The following LARGE1 variants were observed in gnomAD, a reference collection of about 807,000 sequenced individuals.
The protein encoded by LARGE1 is LARGE xylosyl- and glucuronyltransferase 1.
LARGE1 carries 43 observed loss-of-function variants against 87.6 expected under a neutral mutation model. The ratio of observed to expected loss-of-function variants is 0.49; its 90% CI spans 0.38 to 0.63. LARGE1 has a LOEUF of 0.63. Ranked by LOEUF, LARGE1 falls within the 30% of genes least tolerant of loss-of-function variation. The pLI, the probability that LARGE1 is intolerant of heterozygous loss-of-function variation, is 0.00. For missense variants in LARGE1, 802 were observed against 1,000.2 expected, an observed-to-expected ratio of 0.80 and a Z score of 2.67; for synonymous variants, 434 against 394.6, an observed-to-expected ratio of 1.10 and a Z score of -1.18.
rs531940028 is a variant in LARGE1 at position 33,273,435 on chromosome 22, T to C, written c.*992A>G. On this transcript the variant is annotated 3_prime_UTR_variant, in exon 15 of 15. Coordinates refer to ENST00000397394, the MANE Select transcript of LARGE1 (RefSeq NM_133642.5). ...ACTGGGCTTTCATGAATTATGAAAG[T>C]TCTTCGAAAGGCCTGAGAGGTTCGT... 2.5e-6 allele frequency: 1 copy of C among 398,640 alleles called. No individual in the cohort carries two copies. Among genetic ancestry groups the C allele is most frequent in the African/African-American group, 2.1e-5 (1 of 48,738 alleles). 24.7% of individuals were successfully genotyped at this position (398,640 alleles called of 1,614,324 possible).
intron 2 of LARGE1, among the ~76,000 whole-genome samples, chr22:33,718,471 G>A (rs902639215): frequency 6.6e-6 from 1 of 152,258 alleles, no homozygotes; most frequent in African/African-American, 2.4e-5. Context: ...ATTAATGAAT[G>A]TGCTGAATGG....
intron 5 of LARGE1, among the ~76,000 whole-genome samples, chr22:33,576,035 T>C (rs1445207179): frequency 1.3e-5 from 2 of 152,202 alleles, no homozygotes; most frequent in Non-Finnish European, 2.9e-5. Flanking sequence ...TCCTGAAATA[T>C]AGCTGCCTTC....
intron 7 of LARGE1, among the ~76,000 whole-genome samples, chr22:33,408,818 C>T (rs5994737): frequency 0.39 from 58,986 of 151,450 alleles, 16,764 homozygotes; most frequent in African/African-American, 0.81. Context: ...AGTAGGCAGA[C>T]ATTAAATAGA....
At chr22:33,723,061 T>C (rs2083157749) in intron 2 of LARGE1, among the ~76,000 whole-genome samples, 1 of 152,138 alleles carries the variant, frequency 6.6e-6, no homozygotes. Flanking sequence ...TGGCACAGCC[T>C]TTGAGGAAGA....
intron 1 of LARGE1, among the ~76,000 whole-genome samples, chr22:33,832,618 G>A (rs779119728): frequency 3.3e-5 from 5 of 152,212 alleles, no homozygotes; most frequent in Admixed American, 2.0e-4. Flanking sequence ...CAGAGGGCTC[G>A]GAATCAGCTG....
chr22:33,568,888 T>G (rs2078111976), intron 5 of LARGE1, among the ~76,000 whole-genome samples: 1 of 151,142 alleles, frequency 6.6e-6, no homozygotes, highest in Non-Finnish European at 1.5e-5. Context: ...GGATGGATGA[T>G]GGATGGCAGG....
intron 2 of LARGE1, among the ~76,000 whole-genome samples, chr22:33,655,414 G>T (rs888293114): frequency 8.5e-5 from 13 of 152,168 alleles, no homozygotes; most frequent in Admixed American, 7.9e-4. Context: ...TCTCGAGCCT[G>T]TTGGAATTTG....
At chr22:33,885,027 A>G (rs568919008) in intron 1 of LARGE1, among the ~76,000 whole-genome samples, 3 of 152,350 alleles carry the variant, frequency 2.0e-5, no homozygotes, top group Admixed American at 2.0e-4. Flanking sequence ...ATGCTGAGTT[A>G]GGCAGTTTTT....
intron 6 of LARGE1, among the ~76,000 whole-genome samples, chr22:33,524,214 C>G (rs2071759100): frequency 2.6e-5 from 4 of 151,544 alleles, no homozygotes; most frequent in African/African-American, 9.7e-5. Context: ...CTGCTTGAAC[C>G]CAGGAGGCAG....
At chr22:33,193,718 T>C (rs1381345758) in intron 11 of LARGE1, among the ~76,000 whole-genome samples, 1 of 151,974 alleles carries the variant, frequency 6.6e-6, no homozygotes, top group Non-Finnish European at 1.5e-5. Flanking sequence ...CTCAGGAGGC[T>C]GAAGCATGAG....
chr22:33,330,406 T>C (rs1345779578), intron 10 of LARGE1, among the ~76,000 whole-genome samples: 2 of 152,144 alleles, frequency 1.3e-5, no homozygotes, highest in African/African-American at 4.8e-5. Flanking sequence ...CACTTCAACC[T>C]TAAACTTCTG....
chr22:33,278,175 G>T (rs777218451), intron 13 of LARGE1, among the ~76,000 whole-genome samples: 1 of 152,188 alleles, frequency 6.6e-6, no homozygotes, highest in Non-Finnish European at 1.5e-5. Flanking sequence ...GCTGCCTATG[G>T]GGGCCATGTG....
chr22:33,814,773 T>C (rs1345719059), intron 1 of LARGE1, among the ~76,000 whole-genome samples: 1 of 152,102 alleles, frequency 6.6e-6, no homozygotes, highest in Non-Finnish European at 1.5e-5. Flanking sequence ...CACCATCCTA[T>C]TGGGTCATTT....
At chr22:33,614,461 T>C (rs2079526631) in intron 4 of LARGE1, among the ~76,000 whole-genome samples, 1 of 152,110 alleles carries the variant, frequency 6.6e-6, no homozygotes, top group Admixed American at 6.5e-5. Context: ...CTGTACAATA[T>C]ATAAGCCCCA....
downstream of LARGE1, among the ~76,000 whole-genome samples, chr22:33,160,617 T>TGAGCC (rs1921992072): frequency 6.6e-6 from 1 of 152,254 alleles, no homozygotes; most frequent in Admixed American, 6.5e-5. Context: ...TGTTGTCATG[T>TGAGCC]GAGTGATTAT....
intron 6 of LARGE1, among the ~76,000 whole-genome samples, chr22:33,505,202 G>A (rs2070704335): frequency 6.6e-6 from 1 of 152,246 alleles, no homozygotes; most frequent in Non-Finnish European, 1.5e-5. Flanking sequence ...GTGAGCAGAG[G>A]AGACCTGTGC....
intron 7 of LARGE1, among the ~76,000 whole-genome samples, chr22:33,401,470 T>TA (rs934137109): frequency 1.3e-5 from 2 of 151,726 alleles, no homozygotes; most frequent in African/African-American, 2.4e-5. Context: ...CCATTAGTCA[T>TA]AAAAAAAATA....
At chr22:33,656,497 G>A (rs765829516) in intron 2 of LARGE1, among the ~76,000 whole-genome samples, 71 of 152,196 alleles carry the variant, frequency 4.7e-4, no homozygotes, top group Middle Eastern at 3.4e-3. Flanking sequence ...CAGCCAAACC[G>A]TATCAATACT....
At chr22:33,682,107 T>C (rs1370891950) in intron 2 of LARGE1, among the ~76,000 whole-genome samples, 1 of 152,252 alleles carries the variant, frequency 6.6e-6, no homozygotes, top group Non-Finnish European at 1.5e-5. Flanking sequence ...CACACCATAT[T>C]AACACAGCAT....
Sources: gnomAD v4.1 joint callset for allele counts (sites outside exome capture counted in the v4.1 genomes callset) on GRCh38, gnomAD v4.1.1 for gene constraint, MANE v1.5 for transcripts, NCBI Gene and HGNC (gene_info 2026-07-23, HGNC 2026-07-21) for gene names.